The following PIP5K1C variants were observed in gnomAD, a reference collection of about 807,000 sequenced individuals.
PIP5K1C encodes phosphatidylinositol-4-phosphate 5-kinase type 1 gamma.
PIP5K1C carries 45 observed loss-of-function variants against 80.1 expected under a neutral mutation model. The ratio of observed to expected loss-of-function variants is 0.56; its 90% CI spans 0.44 to 0.72. PIP5K1C has a LOEUF of 0.72. Among genes scored for constraint, PIP5K1C ranks in the 30% least tolerant of loss-of-function variants. The pLI is 0.00. For missense variants in PIP5K1C, 753 were observed against 954.6 expected (o/e 0.79, Z 2.78); for synonymous variants, 498 against 420.1 (o/e 1.19, Z -2.27).
At chr19:3,671,907 T>C (rs1216174047) in intron 1 of PIP5K1C, among the ~76,000 whole-genome samples, 1 of 152,218 alleles carries the variant, frequency 6.6e-6, no homozygotes, top group Non-Finnish European at 1.5e-5. Flanking sequence ...AGCCACCCCG[T>C]TTTCGAGGAA....
At chr19:3,667,988 C>T (rs772262082) in intron 1 of PIP5K1C, among the ~76,000 whole-genome samples, 1 of 152,162 alleles carries the variant, frequency 6.6e-6, no homozygotes, top group African/African-American at 2.4e-5. Context: ...CCTCCCTGCC[C>T]CTCTCCAGAG....
chr19:3,647,784 T>G (rs1236031140), intron 9 of PIP5K1C, among the ~76,000 whole-genome samples: 2 of 152,096 alleles, frequency 1.3e-5, no homozygotes, highest in Admixed American at 1.3e-4. Context: ...CCATCTCTAC[T>G]AAAAATACAA....
chr19:3,642,552 C>A (rs897948513), intron 14 of PIP5K1C, among the ~76,000 whole-genome samples: 62 of 152,302 alleles, frequency 4.1e-4, no homozygotes, highest in African/African-American at 1.5e-3. Context: ...AAGTATCTTC[C>A]AAGAGACAAA....
chr19:3,656,077 G>A (rs1010028481), intron 6 of PIP5K1C, among the ~76,000 whole-genome samples: 3 of 152,188 alleles, frequency 2.0e-5, no homozygotes, highest in Admixed American at 6.5e-5. Context: ...GACGCTGCCC[G>A]CAGGCTGCTG....
At chr19:3,666,641 G>A (rs900023612) in intron 2 of PIP5K1C, among the ~76,000 whole-genome samples, 4 of 150,240 alleles carry the variant, frequency 2.7e-5, no homozygotes, top group African/African-American at 4.9e-5. Flanking sequence ...AGGCAAACAC[G>A]TGCACACATG....
chr19:3,662,369 C>T (rs2034861914), intron 3 of PIP5K1C, among the ~76,000 whole-genome samples: 1 of 152,172 alleles, frequency 6.6e-6, no homozygotes, highest in Non-Finnish European at 1.5e-5. Context: ...TTAGGGGGTA[C>T]CATTTACAGC....
At chr19:3,662,623 T>C (rs541368448) in intron 3 of PIP5K1C, among the ~76,000 whole-genome samples, 4 of 152,278 alleles carry the variant, frequency 2.6e-5, no homozygotes, top group African/African-American at 9.6e-5. Context: ...TGGAGTGCAG[T>C]GGCGCAATCT....
rs577470655 is a variant in PIP5K1C, at chr19:3,684,958, G to A, written c.94+15339C>T. On this transcript the variant is annotated intron_variant, in intron 1 of 17. Transcript: ENST00000335312. ...TTATTTCTGGGTGTGGGATGGGGGAGGGTCTCTTAATTTGCAACTTCCATC... is the reference window on the plus strand; with the variant it reads ...TTATTTCTGGGTGTGGGATGGGGGAAGGTCTCTTAATTTGCAACTTCCATC... 5.9e-5 allele frequency among the ~76,000 whole-genome samples: 9 copies of A among 152,308 alleles called. No homozygotes were observed. In the East Asian group the frequency reaches 1.7e-3, roughly 29 times the overall value.
intron 12 of PIP5K1C, among the ~76,000 whole-genome samples, chr19:3,643,658 C>T (rs2034078408): frequency 6.6e-6 from 1 of 151,834 alleles, no homozygotes; most frequent in South Asian, 2.1e-4. Context: ...TTCCCCTCCA[C>T]TGCTCTCTTC....
intron 6 of PIP5K1C, among the ~76,000 whole-genome samples, chr19:3,655,441 A>C (rs557260168): frequency 7.9e-5 from 12 of 152,330 alleles, no homozygotes; most frequent in Non-Finnish European, 1.8e-4. Flanking sequence ...ATAAATAAAA[A>C]AGTGGAGAAA....
In PIP5K1C at chr19:3,661,854, C is replaced by G; in HGVS notation, c.350+17G>C. On this transcript the variant is annotated intron_variant, in intron 4 of 17. Transcript: ENST00000335312. Reference sequence around the variant, plus strand: ...TGTGTGCTGGGTGAGCCCTGAGGCTCCGGGGGCCCGGCCCACCTGGGGAAG... The same window carrying G: ...TGTGTGCTGGGTGAGCCCTGAGGCTGCGGGGGCCCGGCCCACCTGGGGAAG... 2 of 1,610,226 alleles carry G rather than the reference C, an allele frequency of 1.2e-6. No individual in the cohort carries two copies. The highest frequency in any genetic ancestry group is 1.7e-6 in the Non-Finnish European group (2 of 1,179,902).
chr19:3,695,004 G>C (rs190913082), intron 1 of PIP5K1C, among the ~76,000 whole-genome samples: 1 of 152,386 alleles, frequency 6.6e-6, no homozygotes, highest in East Asian at 1.9e-4. Context: ...GGGCCACCAA[G>C]GCCGGCAACG....
intron 1 of PIP5K1C, among the ~76,000 whole-genome samples, chr19:3,697,665 T>A (rs973227189): frequency 7.2e-5 from 11 of 151,966 alleles, no homozygotes; most frequent in Middle Eastern, 6.8e-3. Flanking sequence ...GCAGCTGACC[T>A]TTCCAGGGCA....
chr19:3,645,926 G>GGGCCTTCCCCAGGGTCCC, intron 11 of PIP5K1C, 48 bp downstream of exon 11: 1 of 1,469,818 alleles, frequency 6.8e-7, no homozygotes, highest in Non-Finnish European at 9.5e-7. Context: ...ACGGCGCTCT[G>GGGCCTTCCCCAGGGTCCC]GGCCTTCCCC....
intron 1 of PIP5K1C, among the ~76,000 whole-genome samples, chr19:3,684,786 G>A (rs568568077): frequency 1.4e-4 from 21 of 152,312 alleles, no homozygotes; most frequent in East Asian, 3.9e-4. Context: ...GCAAAGCCCC[G>A]GGCGGCTCTC....
Position 3,660,823 on chromosome 19 carries a change from G to A in PIP5K1C, c.468+143C>T. 3 of 684,716 alleles carry A rather than the reference G, an allele frequency of 4.4e-6. No homozygotes were observed. In the Admixed American group the frequency reaches 5.9e-5, roughly 13 times the overall value. 42.4% of individuals were successfully genotyped at this position (684,716 alleles called of 1,614,324 possible). Reference sequence around the variant, plus strand: ...TCCTGCTTTCCCGGTGAGTCTCACAGGAGACTCCGGCCCTGAACCTGACCA... The same window carrying A: ...TCCTGCTTTCCCGGTGAGTCTCACAAGAGACTCCGGCCCTGAACCTGACCA... On this transcript the variant is annotated intron_variant, in intron 5 of 17. Transcript: ENST00000335312.
intron 1 of PIP5K1C, among the ~76,000 whole-genome samples, chr19:3,677,251 G>C (rs1568348637): frequency 1.3e-5 from 2 of 152,216 alleles, no homozygotes; most frequent in African/African-American, 4.8e-5. Flanking sequence ...AATAAGACTA[G>C]AAAAAGAGAA....
At chr19:3,662,044 C>G in intron 3 of PIP5K1C, 43 bp from the exon 4 acceptor site, 2 of 1,546,722 alleles carry the variant, frequency 1.3e-6, no homozygotes, top group Non-Finnish European at 1.7e-6. Context: ...CTGCTCCCCA[C>G]GCTGCCCTGC....
In PIP5K1C at chr19:3,637,263, G is replaced by A. The variant is rs1046510128; in HGVS notation, c.1920+1621C>T. On this transcript the variant is annotated intron_variant, in intron 16 of 17. Transcript: ENST00000335312. This position sits in a 1 kb window ranked among gnomAD's most constrained non-coding sequence, Gnocchi z 7.0. ...TGGGGTCTGGCCGGGGTCCGAAGCA[G>A]ACCCTGGGCCTCAGCTGTGCACCTG... 8.9e-6 allele frequency: 13 copies of A among 1,463,586 alleles called. No individual in the cohort carries two copies. The highest frequency in any genetic ancestry group is 4.2e-5 in the African/African-American group (3 of 71,000). 90.7% of individuals were successfully genotyped at this position (1,463,586 alleles called of 1,614,324 possible).
Sources: allele counts gnomAD v4.1 joint callset (sites outside exome capture counted in the v4.1 genomes callset), GRCh38; gene constraint gnomAD v4.1.1; non-coding constraint Gnocchi (gnomAD v3.1); transcripts MANE v1.5; gene names NCBI Gene and HGNC (gene_info 2026-07-23, HGNC 2026-07-21).